RNF17: variants seen among roughly 807,000 people sequenced by gnomAD.
RNF17 encodes the protein spermatogenesis associated 23.
In RNF17, 31 loss-of-function variants were observed where a neutral mutation model predicts 200.5. That is an observed-to-expected ratio of 0.15 (90% CI 0.12 to 0.21). The LOEUF (loss-of-function observed/expected upper bound fraction) is 0.21, where lower values mean the gene tolerates loss of function less well. Among genes scored for constraint, RNF17 ranks in the 10% least tolerant of loss-of-function variants. The probability of loss-of-function intolerance (pLI) is 1.00; values close to 1 mark genes in which losing one functional copy is unlikely to be tolerated. For synonymous variants in RNF17, 606 were observed against 637.8 expected (o/e 0.95, Z 0.75); for missense variants, 1,628 against 1,905.1 (o/e 0.85, Z 2.71).
intron 8 of RNF17, 86 bp from the exon 9 acceptor site, chr13:24,789,612 C>T: frequency 1.1e-6 from 1 of 937,914 alleles, no homozygotes; most frequent in Non-Finnish European, 1.7e-6. Context: ...CTTTTCAATT[C>T]ATTAATGTCA....
At chr13:24,831,652 G>T (rs1430194085) in intron 17 of RNF17, among the ~76,000 whole-genome samples, 1 of 152,140 alleles carries the variant, frequency 6.6e-6, no homozygotes, top group Admixed American at 6.5e-5. Context: ...ATGTACAACA[G>T]TTCATTCAGC....
At chr13:24,778,447 G>A (rs201205660) in intron 4 of RNF17, 41 bp downstream of exon 4, 25 of 1,288,982 alleles carry the variant, frequency 1.9e-5, no homozygotes, top group East Asian at 6.9e-5. Context: ...GAAGGCAAAC[G>A]TTTGACTTTG....
At chr13:24,748,006 G>T in the RNF17 span, among the ~76,000 whole-genome samples, 1 of 152,230 alleles carries the variant, frequency 6.6e-6, no homozygotes, top group African/African-American at 2.4e-5. Context: ...CTGCCGGGGC[G>T]GGGCTGCTGG....
At chr13:24,786,362 A>G (rs1477937983) in intron 6 of RNF17, among the ~76,000 whole-genome samples, 3 of 152,178 alleles carry the variant, frequency 2.0e-5, no homozygotes, top group African/African-American at 7.2e-5. Flanking sequence ...TATATTGTAT[A>G]CCTGTTAAGA....
chr13:24,777,652 A>G (rs924230078), intron 3 of RNF17, among the ~76,000 whole-genome samples: 1 of 152,144 alleles, frequency 6.6e-6, no homozygotes, highest in Non-Finnish European at 1.5e-5. Flanking sequence ...TGGCATTTGT[A>G]TATATAAACA....
chr13:24,851,218 T>C (rs1336668854), intron 23 of RNF17, among the ~76,000 whole-genome samples: 6 of 152,192 alleles, frequency 3.9e-5, no homozygotes, highest in African/African-American at 1.4e-4. Context: ...GGTCTCAAAC[T>C]CCCGACCTCA....
chr13:24,830,247 T>C (rs1889236600), intron 16 of RNF17, among the ~76,000 whole-genome samples: 1 of 152,232 alleles, frequency 6.6e-6, no homozygotes, highest in African/African-American at 2.4e-5. Flanking sequence ...AATTTTGTTA[T>C]CCTGATTTTG....
chr13:24,765,583 A>G (rs527635360), intron 1 of RNF17, among the ~76,000 whole-genome samples: 4 of 152,352 alleles, frequency 2.6e-5, no homozygotes, highest in African/African-American at 9.6e-5. Flanking sequence ...TGCTACCGTT[A>G]CGTAGAAAAT....
intron 6 of RNF17, among the ~76,000 whole-genome samples, chr13:24,785,706 G>A (rs1883016342): frequency 6.6e-6 from 1 of 152,114 alleles, no homozygotes; most frequent in Non-Finnish European, 1.5e-5. Context: ...AGTCTCTAAT[G>A]ATTATTGTAG....
At chr13:24,808,294 C>T (rs1471519747) in intron 15 of RNF17, among the ~76,000 whole-genome samples, 1 of 151,950 alleles carries the variant, frequency 6.6e-6, no homozygotes, top group African/African-American at 2.4e-5. Context: ...AATGTTCTTC[C>T]ATTTGTTTGT....
chr13:24,804,515 T>C, intron 15 of RNF17, 86 bp downstream of exon 15: 1 of 1,058,996 alleles, frequency 9.4e-7, no homozygotes, highest in Non-Finnish European at 1.3e-6. Context: ...CTACCGTCAA[T>C]TTTAGTCAGA....
chr13:24,818,693 A>G (rs951890264), intron 15 of RNF17, among the ~76,000 whole-genome samples: 5 of 152,134 alleles, frequency 3.3e-5, no homozygotes, highest in African/African-American at 1.2e-4. Flanking sequence ...ACCACCAGTA[A>G]AGCCATCTCA....
chr13:24,888,392 G>A, the RNF17 span, among the ~76,000 whole-genome samples: 1 of 152,082 alleles, frequency 6.6e-6, no homozygotes, highest in Non-Finnish European at 1.5e-5. Context: ...AATTTTAAAT[G>A]GACAAAGGAA....
At chr13:24,787,218 A>G (rs879891261) in intron 6 of RNF17, among the ~76,000 whole-genome samples, 1 of 151,938 alleles carries the variant, frequency 6.6e-6, no homozygotes, top group Admixed American at 6.6e-5. Flanking sequence ...TGTCCCCTAG[A>G]TCATTTTTCT....
chr13:24,767,863 G>A (rs1273153064), intron 2 of RNF17, among the ~76,000 whole-genome samples: 1 of 152,028 alleles, frequency 6.6e-6, no homozygotes, highest in African/African-American at 2.4e-5. Context: ...AAGTGATCAG[G>A]AAAAATAAAA....
At chr13:24,794,159 C>A in intron 10 of RNF17, 1 of 454,066 alleles carries the variant, frequency 2.2e-6, no homozygotes, top group Admixed American at 2.4e-5. Flanking sequence ...ATGAAGCATG[C>A]GGCACAGATG....
chr13:24,782,422 T>G (rs138974290), intron 6 of RNF17, among the ~76,000 whole-genome samples: 2 of 152,160 alleles, frequency 1.3e-5, no homozygotes, highest in Non-Finnish European at 2.9e-5. Flanking sequence ...TTTCCCAAAC[T>G]CCTGGCCTCA....
intron 10 of RNF17, 122 bp from the exon 11 acceptor site, chr13:24,796,015 C>T (rs1308225107): frequency 6.8e-6 from 4 of 587,294 alleles, no homozygotes; most frequent in South Asian, 4.0e-5. Context: ...GGCCGACGTG[C>T]GATATTCCCA....
intron 15 of RNF17, among the ~76,000 whole-genome samples, chr13:24,822,203 G>A (rs1794941746): frequency 6.6e-6 from 1 of 152,090 alleles, no homozygotes; most frequent in African/African-American, 2.4e-5. Context: ...CATCCTGTGT[G>A]CTTCTTACTG....
Sources: allele counts gnomAD v4.1 joint callset (sites outside exome capture counted in the v4.1 genomes callset), GRCh38; gene constraint gnomAD v4.1.1; transcripts MANE v1.5; gene names NCBI Gene and HGNC (gene_info 2026-07-23, HGNC 2026-07-21).